The following CAMTA1 variants were observed in gnomAD, a reference collection of about 807,000 sequenced individuals.
CAMTA1 encodes the protein calmodulin-binding transcription activator 1.
In CAMTA1, 27 loss-of-function variants were observed where a neutral mutation model predicts 170.9. The ratio of observed to expected loss-of-function variants is 0.16; its 90% CI spans 0.12 to 0.22. The LOEUF (loss-of-function observed/expected upper bound fraction) is 0.22. Ranked by LOEUF, CAMTA1 falls within the 10% of genes least tolerant of loss-of-function variation. CAMTA1 has a pLI of 1.00. For missense variants in CAMTA1, 1,619 were observed against 2,217.2 expected (o/e 0.73, Z 5.42); for synonymous variants, 833 against 891.5 (o/e 0.93, Z 1.17).
rs1043165230 is a variant in CAMTA1 at position 6,997,548 on chromosome 1, T to C, written c.235-93756T>C. The stretch of plus-strand genomic sequence containing the variant: ...CTCTCTAATTCTGGGAAATTCTTGG[T>C]TATTAGTTCTTCATACAGATTCCTC... On this transcript the variant is annotated intron_variant, in intron 3 of 22. Coordinates refer to ENST00000303635, the MANE Select transcript of CAMTA1 (RefSeq NM_015215.4). Among the ~76,000 whole-genome samples, 4 of 152,200 alleles carry C rather than the reference T, an allele frequency of 2.6e-5. No homozygotes were observed. The East Asian group carries it at 7.7e-4, about 29-fold the overall frequency.
intron 5 of CAMTA1, among the ~76,000 whole-genome samples, chr1:7,348,387 G>T (rs1237362983): frequency 6.6e-6 from 1 of 152,166 alleles, no homozygotes; most frequent in African/African-American, 2.4e-5. Context: ...TTCTCACATG[G>T]GCACAGATGA....
intron 5 of CAMTA1, among the ~76,000 whole-genome samples, chr1:7,390,830 A>G (rs12073031): frequency 0.048 from 7,328 of 152,254 alleles, 610 homozygotes; most frequent in African/African-American, 0.16. Flanking sequence ...TGCCAGGGTG[A>G]CGTGACTCCA....
rs1034578421 is a variant in CAMTA1, at chr1:7,618,308, G to C, written c.511-22092G>C. Among the ~76,000 whole-genome samples the C allele has an allele frequency of 2.6e-5, 4 of 152,328 alleles. 1 individual carries two copies. Among genetic ancestry groups the C allele is most frequent in the Admixed American group, 2.6e-4 (4 of 15,306 alleles). On this transcript the variant is annotated intron_variant, in intron 6 of 22. Transcript: ENST00000303635. ...CTATATCACCTCCCAAGCCAGACCA[G>C]ATTCCACCCTGTGCCAAGCCTCAGC... is the stretch of plus-strand genomic sequence containing the variant.
Position 7,435,583 on chromosome 1 carries a change from C to T in CAMTA1, c.439-32247C>T, listed in dbSNP as rs1041507608. On this transcript the variant is annotated intron_variant, in intron 5 of 22. Transcript: ENST00000303635. The surrounding 1 kb of genome is among the most constrained non-coding windows in gnomAD (Gnocchi z 4.4). ...CTGGTTCACTGTGGTGGCAGTGGAG[C>T]GCAGTCCCCATGCTTGGGGAAAGTC... 6.6e-6 allele frequency among the ~76,000 whole-genome samples: 1 copy of T among 152,226 alleles called. No individual in the cohort carries two copies. Among genetic ancestry groups the T allele is most frequent in the African/African-American group, 2.4e-5 (1 of 41,470 alleles).
At chr1:7,627,905 C>T (rs116800830) in intron 6 of CAMTA1, among the ~76,000 whole-genome samples, 2,390 of 152,244 alleles carry the variant, frequency 0.016, 48 homozygotes, top group South Asian at 0.087. Flanking sequence ...GCAATCATAG[C>T]GGTGGGGGTT....
chr1:7,452,200 C>G (rs2092841941), intron 5 of CAMTA1, among the ~76,000 whole-genome samples: 1 of 152,180 alleles, frequency 6.6e-6, no homozygotes, highest in South Asian at 2.1e-4. Context: ...AACAGATAGA[C>G]TCACGGGGGG....
chr1:7,043,389 G>A (rs868854852), intron 3 of CAMTA1, among the ~76,000 whole-genome samples: 5 of 152,128 alleles, frequency 3.3e-5, no homozygotes, highest in Non-Finnish European at 1.5e-5. Flanking sequence ...GTGTGTGCAC[G>A]TGCCTGCTCC....
At chr1:7,493,750 C>T (rs1456011652) in intron 6 of CAMTA1, among the ~76,000 whole-genome samples, 1 of 152,180 alleles carries the variant, frequency 6.6e-6, no homozygotes, top group African/African-American at 2.4e-5. Flanking sequence ...TCCCTGGCCA[C>T]GCATCCTACA....
rs533455547 is a variant in CAMTA1 at position 7,482,468 on chromosome 1, C to T, written c.510+14567C>T. Among the ~76,000 whole-genome samples the T allele has an allele frequency of 3.3e-5, 5 of 152,248 alleles. 1 individual carries two copies. Among genetic ancestry groups the T allele is most frequent in the Admixed American group, 2.0e-4 (3 of 15,296 alleles). On this transcript the variant is annotated intron_variant, in intron 6 of 22. Transcript: ENST00000303635. The surrounding 1 kb of genome is among the most constrained non-coding windows in gnomAD (Gnocchi z 4.2). ...CTCGGTAAAGACACCAGAATGGATG[C>T]GCTCTCCACGCAGTGTGTCCCCACC...
At chr1:7,235,067 G>A (rs1447788801) in intron 4 of CAMTA1, among the ~76,000 whole-genome samples, 4 of 151,984 alleles carry the variant, frequency 2.6e-5, no homozygotes, top group Non-Finnish European at 4.4e-5. Flanking sequence ...GATTACAGTC[G>A]TGAGCCACCA....
At position 7,677,884 on chromosome 1, in the gene CAMTA1, G is replaced by A. The variant is rs955383935; in HGVS notation, c.2914+151G>A. 6.4e-5 allele frequency: 55 copies of A among 854,044 alleles called. No homozygotes were observed. The South Asian group carries it at 6.8e-4, about 11-fold the overall frequency. The allele number at this position is 854,044 out of a possible 1,614,324, so 52.9% of individuals were successfully genotyped here. Reference sequence around the variant, plus strand: ...AAGGAAGGCCGACTGGGTCTCCACCGCCAGGCTGAGTGCCTATGCTGTCAG... The same window carrying A: ...AAGGAAGGCCGACTGGGTCTCCACCACCAGGCTGAGTGCCTATGCTGTCAG... On this transcript the variant is annotated intron_variant, in intron 11 of 22. Coordinates refer to ENST00000303635, the MANE Select transcript of CAMTA1 (RefSeq NM_015215.4).
intron 6 of CAMTA1, among the ~76,000 whole-genome samples, chr1:7,519,914 C>T (rs1436019272): frequency 6.6e-6 from 1 of 151,506 alleles, no homozygotes; most frequent in Admixed American, 6.6e-5. Context: ...TTGACTACTG[C>T]CTTCGTCTCC....
chr1:7,334,741 C>T (rs563208269), intron 5 of CAMTA1, among the ~76,000 whole-genome samples: 8 of 152,294 alleles, frequency 5.3e-5, no homozygotes, highest in Admixed American at 3.9e-4. Context: ...AAGAGGCTGA[C>T]GGTGTCTGAG....
chr1:6,817,229 A>G (rs188339851), intron 1 of CAMTA1, among the ~76,000 whole-genome samples: 4 of 152,320 alleles, frequency 2.6e-5, no homozygotes, highest in Admixed American at 2.0e-4. Flanking sequence ...CTTTTCACCT[A>G]AGACCATTGT....
chr1:7,530,116 C>T (rs1215856059), intron 6 of CAMTA1, among the ~76,000 whole-genome samples: 1 of 152,174 alleles, frequency 6.6e-6, no homozygotes, highest in Non-Finnish European at 1.5e-5. Flanking sequence ...TCTGGCACCT[C>T]GGCACCCTGC....
intron 3 of CAMTA1, among the ~76,000 whole-genome samples, chr1:7,088,845 C>T (rs572952935): frequency 1.1e-4 from 16 of 152,318 alleles, no homozygotes; most frequent in South Asian, 2.1e-4. Context: ...AGCTGATGCA[C>T]GTGACAAGTG....
intron 3 of CAMTA1, among the ~76,000 whole-genome samples, chr1:7,026,733 C>T (rs557299415): frequency 1.9e-4 from 29 of 150,388 alleles, no homozygotes; most frequent in African/African-American, 6.6e-4. Flanking sequence ...CAGGTTCAAG[C>T]GATTCTTGTG....
chr1:7,248,895 G>A lies in CAMTA1; in HGVS notation c.303-596G>A, dbSNP rs1666228879. On this transcript the variant is annotated intron_variant, in intron 4 of 22. Coordinates refer to ENST00000303635, the MANE Select transcript of CAMTA1 (RefSeq NM_015215.4). The surrounding 1 kb of genome is among the most constrained non-coding windows in gnomAD (Gnocchi z 4.0). ...ACCCCTGACAGCTGAAGCCTAAATG[G>A]GAAAGAATCGGGTACTTAGCTTGCT... Among the ~76,000 whole-genome samples, 1 of 152,076 alleles carries A rather than the reference G, an allele frequency of 6.6e-6. No individual in the cohort carries two copies. Among genetic ancestry groups the A allele is most frequent in the South Asian group, 2.1e-4 (1 of 4,826 alleles).
chr1:7,258,871 T>C (rs1385284355), intron 5 of CAMTA1, among the ~76,000 whole-genome samples: 2 of 152,288 alleles, frequency 1.3e-5, no homozygotes, highest in East Asian at 1.9e-4. Flanking sequence ...TTCACTTTAG[T>C]TGGCGTGGAT....
Sources: gnomAD v4.1 joint callset for allele counts (sites outside exome capture counted in the v4.1 genomes callset) on GRCh38, gnomAD v4.1.1 for gene constraint, Gnocchi (gnomAD v3.1) non-coding constraint, MANE v1.5 for transcripts, NCBI Gene and HGNC (gene_info 2026-07-23, HGNC 2026-07-21) for gene names.